Variants in TENM2 observed in about 807,000 individuals in gnomAD.
TENM2 encodes the protein teneurin transmembrane protein 2, also known as teneurin-2.
A neutral mutation model predicts 245.2 loss-of-function variants in TENM2; 52 were observed. The observed-to-expected ratio is 0.21, with a 90% CI of 0.17 to 0.27. TENM2 has a LOEUF of 0.27. Ranked by LOEUF, TENM2 falls within the 10% of genes least tolerant of loss-of-function variation. The pLI is 1.00. For missense variants in TENM2, 3,046 were observed against 3,666.8 expected (o/e 0.83, Z 4.37); for synonymous variants, 1,363 against 1,438.9 (o/e 0.95, Z 1.19).
chr5:167,304,586 T>C (rs1489534582), intron 1 of TENM2, among the ~76,000 whole-genome samples: 1 of 152,214 alleles, frequency 6.6e-6, no homozygotes, highest in Non-Finnish European at 1.5e-5. Flanking sequence ...ACTTAGGGAA[T>C]ATTTGTAACT....
intron 5 of TENM2, among the ~76,000 whole-genome samples, chr5:168,036,691 A>ATATATATATATATGTATGTG (rs1787721144): frequency 8.6e-6 from 1 of 116,336 alleles, no homozygotes; most frequent in Non-Finnish European, 1.6e-5. Flanking sequence ...ATATATATAT[A>ATATATATATATATGTATGTG]TATATATATG....
At chr5:168,050,285 G>C (rs536944829) in intron 6 of TENM2, among the ~76,000 whole-genome samples, 1 of 152,292 alleles carries the variant, frequency 6.6e-6, no homozygotes, top group Non-Finnish European at 1.5e-5. Context: ...AATGTTTTCA[G>C]TTCTCTCACC....
At chr5:167,400,367 G>C (rs1415609481) in intron 2 of TENM2, among the ~76,000 whole-genome samples, 1 of 152,006 alleles carries the variant, frequency 6.6e-6, no homozygotes, top group Non-Finnish European at 1.5e-5. Context: ...TCTAGAGTGG[G>C]TTTTAAGGAC....
At chr5:167,579,840 T>C (rs1464316956) in intron 2 of TENM2, among the ~76,000 whole-genome samples, 3 of 152,212 alleles carry the variant, frequency 2.0e-5, no homozygotes, top group East Asian at 1.9e-4. Flanking sequence ...TATTACATCA[T>C]GCATCACGAT....
intron 3 of TENM2, among the ~76,000 whole-genome samples, chr5:167,945,325 G>GGC (rs1383858439): frequency 6.6e-6 from 1 of 152,060 alleles, no homozygotes; most frequent in Non-Finnish European, 1.5e-5. Context: ...AGCACCCGGG[G>GGC]GGGGCACAGA....
chr5:167,583,510 A>C (rs111644434), intron 2 of TENM2, among the ~76,000 whole-genome samples: 43 of 150,006 alleles, frequency 2.9e-4, no homozygotes, highest in East Asian at 2.7e-3. Flanking sequence ...ACACACACAC[A>C]CCCCAAACCT....
the TENM2 span, among the ~76,000 whole-genome samples, chr5:167,140,951 G>A: frequency 0.031 from 4,680 of 152,264 alleles, 103 homozygotes; most frequent in Admixed American, 0.043. Flanking sequence ...GGCAGTGCTG[G>A]GGTATAGAAA....
At chr5:167,949,975 TG>T (rs1332532661) in intron 3 of TENM2, among the ~76,000 whole-genome samples, 1 of 152,222 alleles carries the variant, frequency 6.6e-6, no homozygotes, top group Non-Finnish European at 1.5e-5. Context: ...GGATAATTTT[TG>T]TTTTTGTTGC....
chr5:167,759,942 C>A (rs933728466), intron 2 of TENM2, among the ~76,000 whole-genome samples: 1 of 152,122 alleles, frequency 6.6e-6, no homozygotes, highest in Admixed American at 6.5e-5. Flanking sequence ...GATATTGATT[C>A]TTTCTTTTGC....
intron 2 of TENM2, among the ~76,000 whole-genome samples, chr5:167,652,550 T>A (rs1254353186): frequency 6.6e-6 from 1 of 151,644 alleles, no homozygotes; most frequent in African/African-American, 2.4e-5. Context: ...ATCTGGTCAG[T>A]ATGTCAAAGC....
intron 2 of TENM2, among the ~76,000 whole-genome samples, chr5:167,719,255 G>A (rs1057109103): frequency 2.6e-5 from 4 of 152,110 alleles, no homozygotes; most frequent in Admixed American, 6.5e-5. Context: ...TTTTGAAATG[G>A]ATTGGCCTAC....
At chr5:167,101,849 T>TTTTATATATATATATA in the TENM2 span, among the ~76,000 whole-genome samples, 5 of 69,454 alleles carry the variant, frequency 7.2e-5, no homozygotes, top group African/African-American at 2.2e-4. Flanking sequence ...ATATATATAT[T>TTTTATATATATATATA]TATATATATA....
At chr5:167,330,779 T>A (rs187664703) in intron 1 of TENM2, among the ~76,000 whole-genome samples, 1 of 152,328 alleles carries the variant, frequency 6.6e-6, no homozygotes. Context: ...CCATAGCAAT[T>A]TTCTAGCATT....
intron 23 of TENM2, 71 bp from the exon 26 acceptor site, chr5:168,226,017 G>A: frequency 1.4e-6 from 2 of 1,443,480 alleles, no homozygotes; most frequent in Non-Finnish European, 1.9e-6. Context: ...GGCCCTGTGA[G>A]TCTTGGGAAC....
the TENM2 span, among the ~76,000 whole-genome samples, chr5:167,240,319 T>A: frequency 6.6e-6 from 1 of 152,076 alleles, no homozygotes. Flanking sequence ...ATTAACCATT[T>A]CTTTAGAGAT....
chr5:167,577,228 G>C (rs1197328770), intron 2 of TENM2, among the ~76,000 whole-genome samples: 1 of 152,164 alleles, frequency 6.6e-6, no homozygotes, highest in Non-Finnish European at 1.5e-5. Context: ...AATAGTGAAA[G>C]GGAAGTGTAT....
the TENM2 span, among the ~76,000 whole-genome samples, chr5:167,096,359 A>C: frequency 6.6e-6 from 1 of 152,132 alleles, no homozygotes; most frequent in African/African-American, 2.4e-5. Context: ...ATTCATCTCC[A>C]TATTGCTGTC....
intron 12 of TENM2, among the ~76,000 whole-genome samples, chr5:168,133,957 C>CCAATATGTGGTCT (rs1754811976): frequency 6.6e-6 from 1 of 151,946 alleles, no homozygotes; most frequent in Non-Finnish European, 1.5e-5. Flanking sequence ...GAGTTTGAGA[C>CCAATATGTGGTCT]CAGCCTGGCC....
chr5:167,649,274 C>T (rs1465826080), intron 2 of TENM2, among the ~76,000 whole-genome samples: 2 of 152,114 alleles, frequency 1.3e-5, no homozygotes, highest in African/African-American at 4.8e-5. Flanking sequence ...TCCTGCCTTG[C>T]CTTTGCTGGT....
Sources: gnomAD v4.1 joint callset for allele counts (sites outside exome capture counted in the v4.1 genomes callset) on GRCh38, gnomAD v4.1.1 for gene constraint, MANE v1.5 for transcripts, NCBI Gene and HGNC (gene_info 2026-07-23, HGNC 2026-07-21) for gene names.